TMPRSS11E: variants seen among roughly 807,000 people sequenced by gnomAD.
TMPRSS11E encodes the protein transmembrane protease serine 11E.
Under a neutral mutation model 48.1 loss-of-function variants are expected in TMPRSS11E, and 38 were observed. The ratio of observed to expected loss-of-function variants is 0.79; its 90% CI spans 0.61 to 1.04. The LOEUF is 1.04. TMPRSS11E is among the 50% of genes least tolerant of loss of function. TMPRSS11E has a pLI of 0.00. For synonymous variants in TMPRSS11E, 158 were observed against 171.9 expected (o/e 0.92, Z 0.63); for missense variants, 530 against 510.8 (o/e 1.04, Z -0.36).
At chr4:68,478,716 A>T (rs1290439600) in intron 8 of TMPRSS11E, 133 bp from the exon 9 acceptor site, 6 of 927,904 alleles carry the variant, frequency 6.5e-6, no homozygotes, top group Admixed American at 2.4e-5. Context: ...CGGCCTCTCA[A>T]AGTGCTGGGA....
intron 9 of TMPRSS11E, among the ~76,000 whole-genome samples, chr4:68,483,162 C>T (rs1304768549): frequency 6.6e-6 from 1 of 152,102 alleles, no homozygotes; most frequent in Non-Finnish European, 1.5e-5. Flanking sequence ...CTGGCATTAA[C>T]TTAGCTCCTA....
intron 9 of TMPRSS11E, among the ~76,000 whole-genome samples, chr4:68,483,369 C>T (rs1729463785): frequency 6.6e-6 from 1 of 152,210 alleles, no homozygotes; most frequent in Non-Finnish European, 1.5e-5. Context: ...CAAACAACTC[C>T]CACCAGCCTC....
At chr4:68,470,602 A>G (rs1729039193) in intron 4 of TMPRSS11E, among the ~76,000 whole-genome samples, 2 of 151,894 alleles carry the variant, frequency 1.3e-5, no homozygotes, top group African/African-American at 2.4e-5. Context: ...ATTCAAACTT[A>G]TAATAGATAA....
chr4:68,447,544 T>A lies in TMPRSS11E; in HGVS notation c.11+21T>A, dbSNP rs779878333. ...TATCGGTGAGTTAGTTCCCTTTTTC[T>A]TTCTAGAAGTCTTAAGGTAACTTTT... On this transcript the variant is annotated intron_variant, in intron 1 of 9. Coordinates refer to ENST00000305363, the MANE Select transcript of TMPRSS11E (RefSeq NM_014058.4). The A allele has an allele frequency of 2.5e-6, 4 of 1,605,228 alleles. No individual in the cohort carries two copies. The African/African-American group carries it at 5.4e-5, about 22-fold the overall frequency.
At chr4:68,462,041 A>ACGATTCAT in intron 2 of TMPRSS11E, 96 bp downstream of exon 2, 2 of 1,483,426 alleles carry the variant, frequency 1.3e-6, no homozygotes, top group Non-Finnish European at 1.9e-6. Flanking sequence ...ATTTATCACT[A>ACGATTCAT]CGATTCATTT....
At chr4:68,473,738 C>G (rs1729137487) in intron 5 of TMPRSS11E, among the ~76,000 whole-genome samples, 1 of 152,084 alleles carries the variant, frequency 6.6e-6, no homozygotes, top group African/African-American at 2.4e-5. Context: ...GCTATCAATA[C>G]TCAGAGCTTG....
rs780294193 is a variant in TMPRSS11E, at chr4:68,461,946, G to C, written c.136+1G>C. 1 of 1,614,144 alleles carries C rather than the reference G, an allele frequency of 6.2e-7. No individual in the cohort carries two copies. The highest frequency in any genetic ancestry group is 1.1e-5 in the South Asian group (1 of 91,072). On this transcript the variant is annotated splice_donor_variant, in intron 2 of 9. Transcript: ENST00000305363. LOFTEE classifies it high-confidence loss of function. ...CTCACTGTTCATTATGTGAGATATA[G>C]TAAGTATAAGCTGCCTTGGCATCAT...
chr4:68,449,276 A>G (rs1236767844), intron 1 of TMPRSS11E, among the ~76,000 whole-genome samples: 1 of 151,768 alleles, frequency 6.6e-6, no homozygotes, highest in Non-Finnish European at 1.5e-5. Flanking sequence ...ACACAACAGA[A>G]AGTTAAAGAA....
At chr4:68,466,839 A>G in intron 3 of TMPRSS11E, 87 bp downstream of exon 3, 1 of 1,530,192 alleles carries the variant, frequency 6.5e-7, no homozygotes, top group Non-Finnish European at 9.0e-7. Context: ...GATCCATTCA[A>G]CTAACGGATC....
chr4:68,449,547 A>G (rs1728437860), intron 1 of TMPRSS11E, among the ~76,000 whole-genome samples: 1 of 151,778 alleles, frequency 6.6e-6, no homozygotes, highest in Non-Finnish European at 1.5e-5. Context: ...TGTCTCTAAA[A>G]GTGTGGTCCG....
chr4:68,461,982 C>A lies in TMPRSS11E; in HGVS notation c.136+37C>A, dbSNP rs377019664. 110 of 1,611,684 alleles carry A rather than the reference C, an allele frequency of 6.8e-5. No individual in the cohort carries two copies. In the East Asian group the frequency reaches 1.1e-3, roughly 16 times the overall value. ...CTGCCTTGGCATCATGTGATTTACCCCAAATATTTCCTCATACCTTGCTGT... is the reference window on the plus strand; with the variant it reads ...CTGCCTTGGCATCATGTGATTTACCACAAATATTTCCTCATACCTTGCTGT... On this transcript the variant is annotated intron_variant, in intron 2 of 9. Transcript: ENST00000305363.
At chr4:68,447,622 A>AT (rs1198404341) in intron 1 of TMPRSS11E, 99 bp downstream of exon 1, 28 of 871,682 alleles carry the variant, frequency 3.2e-5, no homozygotes, top group East Asian at 2.7e-5. Context: ...ACAGTTTATT[A>AT]TTTTTTTAAA....
intron 9 of TMPRSS11E, among the ~76,000 whole-genome samples, chr4:68,481,477 G>T (rs1488131034): frequency 2.6e-5 from 4 of 151,896 alleles, no homozygotes; most frequent in Non-Finnish European, 5.9e-5. Flanking sequence ...TTGTTTTTTT[G>T]ACTTTTTAGT....
intron 1 of TMPRSS11E, among the ~76,000 whole-genome samples, chr4:68,450,996 C>G (rs1728483138): frequency 6.6e-6 from 1 of 151,860 alleles, no homozygotes; most frequent in South Asian, 2.1e-4. Context: ...ATTGCTTCAA[C>G]TTAAAGAGAA....
At chr4:68,473,757 C>T (rs1301373117) in intron 5 of TMPRSS11E, among the ~76,000 whole-genome samples, 1 of 152,042 alleles carries the variant, frequency 6.6e-6, no homozygotes, top group African/African-American at 2.4e-5. Context: ...TGACATTTTC[C>T]TAGGAAGAGC....
At chr4:68,450,546 T>C (rs1346238141) in intron 1 of TMPRSS11E, among the ~76,000 whole-genome samples, 1 of 151,818 alleles carries the variant, frequency 6.6e-6, no homozygotes. Context: ...AACAGAGAAA[T>C]AGAAAATAAA....
chr4:68,469,455 C>T (rs1729006791), intron 4 of TMPRSS11E, among the ~76,000 whole-genome samples: 2 of 151,778 alleles, frequency 1.3e-5, no homozygotes, highest in Non-Finnish European at 2.9e-5. Context: ...TAAGAATTTT[C>T]AATAAGATAT....
At chr4:68,478,147 A>ATTT (rs879193345) in intron 8 of TMPRSS11E, among the ~76,000 whole-genome samples, 40,270 of 89,776 alleles carry the variant, frequency 0.45, 6,913 homozygotes, top group East Asian at 0.75. Flanking sequence ...CTGTATCACT[A>ATTT]TCTTTTTTTT....
chr4:68,451,362 C>T (rs1554890), intron 1 of TMPRSS11E, among the ~76,000 whole-genome samples: 147,408 of 151,874 alleles, frequency 0.97, 71,703 homozygotes, highest in Non-Finnish European at 1. Flanking sequence ...TTTTAAGAGG[C>T]TGAGAAAGAA....
Sources: gnomAD v4.1 joint callset for allele counts (sites outside exome capture counted in the v4.1 genomes callset) on GRCh38, gnomAD v4.1.1 for gene constraint, MANE v1.5 for transcripts, NCBI Gene and HGNC (gene_info 2026-07-23, HGNC 2026-07-21) for gene names.